AGBL1: variants seen among roughly 807,000 people sequenced by gnomAD.
AGBL1 encodes the protein cytosolic carboxypeptidase 4.
AGBL1 carries 130 observed loss-of-function variants against 118.9 expected under a neutral mutation model. The ratio of observed to expected loss-of-function variants is 1.09; its 90% CI spans 0.95 to 1.26. The LOEUF (loss-of-function observed/expected upper bound fraction) is 1.26, where lower values mean the gene tolerates loss of function less well. AGBL1 is among the 50% of genes most tolerant of loss of function. The pLI is 0.00. For missense variants in AGBL1, 1,584 were observed against 1,298.1 expected (o/e 1.22, Z -3.38); for synonymous variants, 555 against 478.9 (o/e 1.16, Z -2.08).
chr15:86,183,082 C>T (rs935336548), intron 5 of AGBL1, among the ~76,000 whole-genome samples: 12 of 152,132 alleles, frequency 7.9e-5, no homozygotes, highest in Non-Finnish European at 1.3e-4. Flanking sequence ...AAGATTCTTA[C>T]GTGGTTTTGA....
At position 86,945,159 on chromosome 15, in the gene AGBL1, C is replaced by T. The variant is rs548762138; in HGVS notation, c.3222-42828C>T. Reference sequence around the variant, plus strand: ...ACTTGGGAGGCTGAGGCAGGAGGATCGCCTGAACCAGGAGTTCGAGGTTGC... The same window carrying T: ...ACTTGGGAGGCTGAGGCAGGAGGATTGCCTGAACCAGGAGTTCGAGGTTGC... On this transcript the variant is annotated intron_variant, in intron 23 of 24. Coordinates refer to the AGBL1 transcript ENST00000441037. Among the ~76,000 whole-genome samples the T allele has an allele frequency of 1.5e-3, 226 of 148,168 alleles. 3 individuals are homozygous for T. Among genetic ancestry groups the T allele is most frequent in the African/African-American group, 5.1e-3 (205 of 40,242 alleles).
chr15:86,139,718 C>T (rs1020148746), intron 1 of AGBL1: 14 of 151,984 alleles, frequency 9.2e-5, no homozygotes, highest in Non-Finnish European at 1.6e-4. Flanking sequence ...TCTTGTTCAT[C>T]AATTAATTTA....
chr15:86,188,623 C>T (rs542889282), intron 5 of AGBL1, among the ~76,000 whole-genome samples: 2 of 152,292 alleles, frequency 1.3e-5, no homozygotes, highest in South Asian at 2.1e-4. Flanking sequence ...ACTTGTGGAT[C>T]GAGGCTTTCA....
chr15:86,451,037 AT>A (rs753570837), intron 18 of AGBL1, among the ~76,000 whole-genome samples: 5 of 152,200 alleles, frequency 3.3e-5, no homozygotes, highest in Non-Finnish European at 2.9e-5. Flanking sequence ...GAGAATGTTA[AT>A]TTAGAAATGT....
At chr15:86,256,706 T>A in intron 7 of AGBL1, 147 bp from the exon 8 acceptor site, 1 of 728,522 alleles carries the variant, frequency 1.4e-6, no homozygotes, top group South Asian at 2.1e-5. Context: ...TAAGGCTGTT[T>A]ACGGTCTGTC....
At chr15:86,184,032 A>G (rs1381461300) in intron 5 of AGBL1, among the ~76,000 whole-genome samples, 5 of 152,240 alleles carry the variant, frequency 3.3e-5, no homozygotes, top group Admixed American at 1.3e-4. Context: ...CACAGCCACA[A>G]GCTGGTGTAC....
intron 21 of AGBL1, among the ~76,000 whole-genome samples, chr15:86,565,952 A>G (rs1434981334): frequency 3.3e-5 from 5 of 152,164 alleles, no homozygotes; most frequent in Non-Finnish European, 7.4e-5. Context: ...ATAATCTCCT[A>G]GCGTGCCATT....
intron 6 of AGBL1, among the ~76,000 whole-genome samples, chr15:86,230,620 G>C (rs1685270890): frequency 6.6e-6 from 1 of 152,180 alleles, no homozygotes; most frequent in African/African-American, 2.4e-5. Context: ...TTAGTTTCCA[G>C]ATGAGGGCCA....
chr15:86,932,509 T>C (rs2080617924), intron 23 of AGBL1, among the ~76,000 whole-genome samples: 1 of 152,234 alleles, frequency 6.6e-6, no homozygotes, highest in South Asian at 2.1e-4. Context: ...CTATGTATAA[T>C]AGCTTTGCGT....
At chr15:86,607,724 C>T (rs2084597381) in intron 21 of AGBL1, among the ~76,000 whole-genome samples, 1 of 151,914 alleles carries the variant, frequency 6.6e-6, no homozygotes, top group Non-Finnish European at 1.5e-5. Context: ...TAGTGAGGTG[C>T]CTGTTCAGGT....
At chr15:86,645,044 CA>C (rs2085255152) in intron 21 of AGBL1, among the ~76,000 whole-genome samples, 1 of 150,468 alleles carries the variant, frequency 6.6e-6, no homozygotes, top group Non-Finnish European at 1.5e-5. Flanking sequence ...AAACAAAAAA[CA>C]AAAACAAAAA....
chr15:86,249,357 A>G (rs1031644441), intron 7 of AGBL1, among the ~76,000 whole-genome samples: 1 of 152,066 alleles, frequency 6.6e-6, no homozygotes, highest in African/African-American at 2.4e-5. Flanking sequence ...TTGTTTTTCC[A>G]ACCGTGGTAT....
intron 18 of AGBL1, among the ~76,000 whole-genome samples, chr15:86,402,380 A>C (rs115003325): frequency 6.6e-6 from 1 of 152,044 alleles, no homozygotes; most frequent in Non-Finnish European, 1.5e-5. Context: ...TTTTCTAGGT[A>C]TATAATCATA....
intron 17 of AGBL1, among the ~76,000 whole-genome samples, chr15:86,383,418 C>T (rs1413720596): frequency 6.6e-6 from 1 of 151,624 alleles, no homozygotes; most frequent in Non-Finnish European, 1.5e-5. Context: ...TGAAACCCCA[C>T]CTTTACTAAA....
intron 17 of AGBL1, among the ~76,000 whole-genome samples, chr15:86,375,232 C>T (rs1318766122): frequency 6.6e-6 from 1 of 152,196 alleles, no homozygotes; most frequent in Non-Finnish European, 1.5e-5. Flanking sequence ...AATTGACTCA[C>T]ATTTCCACTC....
intron 17 of AGBL1, among the ~76,000 whole-genome samples, chr15:86,326,673 CTTG>C (rs1317144201): frequency 1.3e-5 from 2 of 152,058 alleles, no homozygotes; most frequent in Non-Finnish European, 2.9e-5. Flanking sequence ...GTATATGTTG[CTTG>C]TTGTTGTTAA....
chr15:86,233,382 T>C (rs1160689504), intron 6 of AGBL1, among the ~76,000 whole-genome samples: 2 of 85,816 alleles, frequency 2.3e-5, no homozygotes, highest in East Asian at 2.6e-4. Flanking sequence ...AGCAAAACCT[T>C]TTTTTTTTTT....
chr15:86,580,201 C>A (rs2084154265), intron 21 of AGBL1, among the ~76,000 whole-genome samples: 1 of 152,178 alleles, frequency 6.6e-6, no homozygotes. Context: ...CTGACCTTAT[C>A]CATGTTGCAG....
At chr15:86,587,107 T>G (rs1194379630) in intron 21 of AGBL1, among the ~76,000 whole-genome samples, 2 of 152,290 alleles carry the variant, frequency 1.3e-5, no homozygotes, top group East Asian at 3.9e-4. Flanking sequence ...GCTAAATTAT[T>G]CTGCTTCCCT....
Sources: allele counts gnomAD v4.1 joint callset (sites outside exome capture counted in the v4.1 genomes callset), GRCh38; gene constraint gnomAD v4.1.1; transcripts MANE v1.5; gene names NCBI Gene and HGNC (gene_info 2026-07-23, HGNC 2026-07-21).